The following WWOX variants were observed in gnomAD, a reference collection of about 807,000 sequenced individuals.
WWOX encodes WW domain-containing oxidoreductase.
A neutral mutation model predicts 46.2 loss-of-function variants in WWOX; 69 were observed. The observed-to-expected ratio is 1.49, with a 90% CI of 1.23 to 1.82. The LOEUF is 1.82. Among genes scored for constraint, WWOX ranks in the 40% most tolerant of loss-of-function variants. The pLI is 0.00. For synonymous variants in WWOX, 359 were observed against 202.6 expected (o/e 1.77, Z -6.56); for missense variants, 919 against 542.6 (o/e 1.69, Z -6.89).
At chr16:78,940,796 C>T (rs974280737) in intron 8 of WWOX, among the ~76,000 whole-genome samples, 1 of 150,870 alleles carries the variant, frequency 6.6e-6, no homozygotes, top group Admixed American at 6.6e-5. Flanking sequence ...GTCCTCTTAT[C>T]CTGGTCCTTA....
intron 8 of WWOX, among the ~76,000 whole-genome samples, chr16:78,751,673 T>A (rs1220321747): frequency 6.6e-6 from 1 of 151,532 alleles, no homozygotes; most frequent in East Asian, 1.9e-4. Context: ...AGAAAGCCAT[T>A]TCTGCAGAGT....
At position 79,201,507 on chromosome 16, in the gene WWOX, C is replaced by G. The variant is rs149368638; in HGVS notation, c.1057-10101C>G. ...CAAGGGCTCCAGAGAGTCCCTTGTGCCATCAAATTAAGTTTGGAAACTTCA... is the reference window on the plus strand; with the variant it reads ...CAAGGGCTCCAGAGAGTCCCTTGTGGCATCAAATTAAGTTTGGAAACTTCA... On this transcript the variant is annotated intron_variant, in intron 8 of 8. Transcript: ENST00000566780. Among the ~76,000 whole-genome samples, 27 of 152,220 alleles carry G rather than the reference C, an allele frequency of 1.8e-4. No homozygotes were observed. The East Asian group carries it at 4.6e-3, about 26-fold the overall frequency.
chr16:78,667,716 T>G (rs1386919814), intron 8 of WWOX, among the ~76,000 whole-genome samples: 1 of 145,458 alleles, frequency 6.9e-6, no homozygotes, highest in Non-Finnish European at 1.5e-5. Context: ...AATAATAGAA[T>G]ATTGATGAGA....
intron 8 of WWOX, chr16:78,825,332 A>C: frequency 3.2e-6 from 1 of 312,608 alleles, no homozygotes; most frequent in Non-Finnish European, 6.4e-6. Flanking sequence ...TGGCATCTTC[A>C]AAGCTGAACG....
chr16:78,538,606 A>G (rs2043816245), intron 8 of WWOX, among the ~76,000 whole-genome samples: 1 of 152,216 alleles, frequency 6.6e-6, no homozygotes, highest in South Asian at 2.1e-4. Context: ...CTCAAGCTGC[A>G]GTTTATCATT....
intron 8 of WWOX, among the ~76,000 whole-genome samples, chr16:78,967,458 GGT>G (rs1491537100): frequency 5.5e-5 from 5 of 91,442 alleles, no homozygotes; most frequent in Admixed American, 1.5e-4. Context: ...TAATTTTTGT[GGT>G]TTTTTTTTTT....
At chr16:78,466,163 C>T (rs2084072294) in intron 8 of WWOX, among the ~76,000 whole-genome samples, 1 of 152,070 alleles carries the variant, frequency 6.6e-6, no homozygotes, top group African/African-American at 2.4e-5. Flanking sequence ...TTCCTAGTAG[C>T]TGGGACTATA....
intron 8 of WWOX, among the ~76,000 whole-genome samples, chr16:79,067,130 C>T (rs1466161835): frequency 6.6e-6 from 1 of 152,220 alleles, no homozygotes; most frequent in Non-Finnish European, 1.5e-5. Flanking sequence ...GAGGCCCTGT[C>T]TAGGGCCTGT....
chr16:78,715,112 C>G (rs1038269527), intron 8 of WWOX, among the ~76,000 whole-genome samples: 5 of 151,974 alleles, frequency 3.3e-5, no homozygotes, highest in Non-Finnish European at 7.3e-5. Context: ...GAGACCCCAT[C>G]TCTATTAAGA....
intron 8 of WWOX, among the ~76,000 whole-genome samples, chr16:78,547,944 G>A (rs1243859490): frequency 6.6e-6 from 1 of 152,054 alleles, no homozygotes; most frequent in Non-Finnish European, 1.5e-5. Context: ...TTGAGGTCAG[G>A]AGTTCGAGAC....
At chr16:78,903,299 A>G (rs990449221) in intron 8 of WWOX, among the ~76,000 whole-genome samples, 1 of 152,314 alleles carries the variant, frequency 6.6e-6, no homozygotes, top group South Asian at 2.1e-4. Context: ...TCACACTCCT[A>G]TGCAAACATC....
At chr16:78,638,385 G>T (rs2046625499) in intron 8 of WWOX, among the ~76,000 whole-genome samples, 1 of 152,022 alleles carries the variant, frequency 6.6e-6, no homozygotes, top group Non-Finnish European at 1.5e-5. Context: ...TTCCCCCTCT[G>T]GCTGGGTCTG....
At chr16:78,944,171 C>G (rs2045905521) in intron 8 of WWOX, among the ~76,000 whole-genome samples, 1 of 152,092 alleles carries the variant, frequency 6.6e-6, no homozygotes, top group Non-Finnish European at 1.5e-5. Context: ...TTTTGTCTTT[C>G]AAGACTCAGC....
At chr16:78,974,890 T>C (rs2046541360) in intron 8 of WWOX, among the ~76,000 whole-genome samples, 1 of 152,128 alleles carries the variant, frequency 6.6e-6, no homozygotes, top group Admixed American at 6.6e-5. Flanking sequence ...GACCTTGAAA[T>C]GCTCAGCTGC....
At chr16:78,995,611 C>T (rs773945630) in intron 8 of WWOX, among the ~76,000 whole-genome samples, 4 of 151,840 alleles carry the variant, frequency 2.6e-5, no homozygotes, top group African/African-American at 9.7e-5. Flanking sequence ...GAAAAAACTG[C>T]AAAACCGCAA....
At chr16:78,480,275 A>G (rs2084455460) in intron 8 of WWOX, among the ~76,000 whole-genome samples, 1 of 152,242 alleles carries the variant, frequency 6.6e-6, no homozygotes. Flanking sequence ...CCATAGTAGA[A>G]TGCTCTTTTG....
chr16:78,719,427 A>G (rs1168015140), intron 8 of WWOX, among the ~76,000 whole-genome samples: 7 of 152,266 alleles, frequency 4.6e-5, no homozygotes, highest in Non-Finnish European at 8.8e-5. Context: ...ACAGGCATGC[A>G]CAATTTCGGG....
intron 8 of WWOX, among the ~76,000 whole-genome samples, chr16:79,120,300 G>T (rs2150674192): frequency 6.6e-6 from 1 of 152,236 alleles, no homozygotes. Flanking sequence ...TCATTCTCAA[G>T]GTATGCTCAA....
intron 8 of WWOX, among the ~76,000 whole-genome samples, chr16:78,699,184 C>A (rs1472710341): frequency 3.3e-5 from 5 of 152,090 alleles, no homozygotes; most frequent in Admixed American, 2.6e-4. Context: ...CACATTTGGC[C>A]CATCAGCCAT....
Sources: gnomAD v4.1 joint callset for allele counts (sites outside exome capture counted in the v4.1 genomes callset) on GRCh38, gnomAD v4.1.1 for gene constraint, MANE v1.5 for transcripts, NCBI Gene and HGNC (gene_info 2026-07-23, HGNC 2026-07-21) for gene names.